LDLRAD3: variants seen among roughly 807,000 people sequenced by gnomAD.
The protein encoded by LDLRAD3 is low density lipoprotein receptor class A domain containing 3.
Under a neutral mutation model 29.4 loss-of-function variants are expected in LDLRAD3, and 20 were observed. The ratio of observed to expected loss-of-function variants is 0.68; its 90% CI spans 0.48 to 0.99. LDLRAD3 has a LOEUF of 0.99. Among genes scored for constraint, LDLRAD3 ranks in the 50% least tolerant of loss-of-function variants. The probability of loss-of-function intolerance (pLI) is 0.00; values close to 1 mark genes in which losing one functional copy is unlikely to be tolerated. For synonymous variants in LDLRAD3, 157 were observed against 192.7 expected, an observed-to-expected ratio of 0.81 and a Z score of 1.53; for missense variants, 420 against 454.3, an observed-to-expected ratio of 0.92 and a Z score of 0.69.
intron 1 of LDLRAD3, among the ~76,000 whole-genome samples, chr11:35,989,353 G>C (rs915608930): frequency 6.6e-6 from 1 of 152,010 alleles, no homozygotes; most frequent in African/African-American, 2.4e-5. Context: ...CTGGCTCTTT[G>C]GGCTCTTTTT....
intron 1 of LDLRAD3, among the ~76,000 whole-genome samples, chr11:36,028,855 C>T (rs1272880410): frequency 1.3e-5 from 2 of 152,174 alleles, no homozygotes; most frequent in Non-Finnish European, 2.9e-5. Context: ...CTTGTTCTAG[C>T]TGTGTGACCT....
chr11:36,045,074 C>T (rs1358323234), intron 2 of LDLRAD3, among the ~76,000 whole-genome samples: 1 of 152,232 alleles, frequency 6.6e-6, no homozygotes, highest in African/African-American at 2.4e-5. Flanking sequence ...TCCTGACCCC[C>T]TCTTGCCACT....
chr11:36,083,585 A>G (rs1326422112), intron 3 of LDLRAD3, among the ~76,000 whole-genome samples: 1 of 152,146 alleles, frequency 6.6e-6, no homozygotes, highest in Non-Finnish European at 1.5e-5. Flanking sequence ...ACAAAACTGT[A>G]AGAGAAGACC....
intron 4 of LDLRAD3, among the ~76,000 whole-genome samples, chr11:36,189,576 C>CT (rs141355514): frequency 0.094 from 14,181 of 151,036 alleles, 708 homozygotes; most frequent in East Asian, 0.19. Flanking sequence ...CACGAATTTA[C>CT]TTTTTTTTTA....
Position 36,014,348 on chromosome 11 carries a change from G to A in LDLRAD3, c.47-21755G>A, listed in dbSNP as rs556040727. The stretch of plus-strand genomic sequence containing the variant: ...ATGGAGCTGTGTACTAAATACAAAG[G>A]AATGGTATTACCAGCCTAGGCTTTA... On this transcript the variant is annotated intron_variant, in intron 1 of 5. Transcript: ENST00000315571. 2.0e-5 allele frequency among the ~76,000 whole-genome samples: 3 copies of A among 152,304 alleles called. No individual in the cohort carries two copies. The South Asian group carries it at 6.2e-4, about 32-fold the overall frequency.
intron 4 of LDLRAD3, among the ~76,000 whole-genome samples, chr11:36,129,066 T>C (rs1853886856): frequency 6.6e-6 from 1 of 151,898 alleles, no homozygotes; most frequent in Non-Finnish European, 1.5e-5. Context: ...CTAGATTTGA[T>C]GTTTGGGGAG....
At chr11:36,219,006 G>A (rs1370673940) in intron 4 of LDLRAD3, among the ~76,000 whole-genome samples, 1 of 152,252 alleles carries the variant, frequency 6.6e-6, no homozygotes. Flanking sequence ...AGTTTTCAAA[G>A]ATCTATGCTG....
chr11:36,021,036 G>T (rs1257130843), intron 1 of LDLRAD3, among the ~76,000 whole-genome samples: 1 of 152,160 alleles, frequency 6.6e-6, no homozygotes, highest in Non-Finnish European at 1.5e-5. Context: ...ATGGTTGGTG[G>T]TTCTACCAGC....
intron 4 of LDLRAD3, among the ~76,000 whole-genome samples, chr11:36,133,283 G>A (rs983400195): frequency 6.7e-6 from 1 of 150,338 alleles, no homozygotes; most frequent in Non-Finnish European, 1.5e-5. Flanking sequence ...CAGTCCTCCT[G>A]TCTCAGCCTC....
At chr11:36,171,958 G>A (rs1479053055) in intron 4 of LDLRAD3, among the ~76,000 whole-genome samples, 1 of 152,190 alleles carries the variant, frequency 6.6e-6, no homozygotes, top group Non-Finnish European at 1.5e-5. Flanking sequence ...AGCATAGGGT[G>A]TGTTTCCATT....
In LDLRAD3 at chr11:36,081,735, T is replaced by C. The variant is rs931711505; in HGVS notation, c.276T>C (p.Asn92=). ...GCATCATTGGTCGCTTCCGGTGCAA[T>C]GGGTTTGAGGACTGTCCCGATGGCA... The part of the protein sequence containing the change: ...IHCIIGRFRC[N]GFEDCPDGSD... The change falls in exon 3 of 6, where the codon AAT becomes AAC. Residue 92 remains asparagine (N), a synonymous_variant. Transcript: ENST00000315571. 2 of 1,614,234 alleles carry C rather than the reference T, an allele frequency of 1.2e-6. No homozygotes were observed. The highest frequency in any genetic ancestry group is 8.5e-7 in the Non-Finnish European group (1 of 1,180,036).
chr11:36,192,096 G>A (rs994094498), intron 4 of LDLRAD3, among the ~76,000 whole-genome samples: 35 of 152,132 alleles, frequency 2.3e-4, no homozygotes, highest in Admixed American at 6.5e-5. Flanking sequence ...TGGAAGATGA[G>A]GGTCAAAGAA....
rs1366329554 is a variant in LDLRAD3 at position 36,065,405 on chromosome 11, G to A, written c.194-16248G>A. ...ATATGCAGCCAGGATTGAAGGCACT[G>A]CTTTTTTGGATAAGTTAGAAGCTGA... On this transcript the variant is annotated intron_variant, in intron 2 of 5. Coordinates refer to ENST00000315571, the MANE Select transcript of LDLRAD3 (RefSeq NM_174902.4). 2.0e-5 allele frequency among the ~76,000 whole-genome samples: 3 copies of A among 152,118 alleles called. No individual in the cohort carries two copies. The East Asian group carries it at 5.8e-4, about 29-fold the overall frequency.
At chr11:35,951,598 C>T (rs143599535) in intron 1 of LDLRAD3, among the ~76,000 whole-genome samples, 124 of 152,300 alleles carry the variant, frequency 8.1e-4, no homozygotes, top group African/African-American at 2.9e-3. Context: ...CTGGCTCTTG[C>T]TTTGCAAGAA....
intron 4 of LDLRAD3, among the ~76,000 whole-genome samples, chr11:36,138,284 TG>T (rs1345635061): frequency 3.9e-5 from 6 of 152,160 alleles, no homozygotes; most frequent in Admixed American, 3.3e-4. Flanking sequence ...CTTCCTTGGG[TG>T]GTTGGGAGGA....
chr11:35,993,759 T>C (rs1851718130), intron 1 of LDLRAD3, among the ~76,000 whole-genome samples: 1 of 152,046 alleles, frequency 6.6e-6, no homozygotes, highest in South Asian at 2.1e-4. Context: ...TGGTATATTT[T>C]TAATAGGGAG....
At chr11:35,973,174 T>A (rs1394437180) in intron 1 of LDLRAD3, among the ~76,000 whole-genome samples, 1 of 152,026 alleles carries the variant, frequency 6.6e-6, no homozygotes, top group Admixed American at 6.6e-5. Flanking sequence ...TTGTTTTGTT[T>A]TTTTTGATTA....
At chr11:36,056,585 A>C (rs1047593514) in intron 2 of LDLRAD3, among the ~76,000 whole-genome samples, 2 of 152,200 alleles carry the variant, frequency 1.3e-5, no homozygotes, top group Non-Finnish European at 2.9e-5. Flanking sequence ...GGAGGTTTTC[A>C]GGATTCACTT....
chr11:36,218,955 T>G (rs976405935), intron 4 of LDLRAD3, among the ~76,000 whole-genome samples: 1 of 151,962 alleles, frequency 6.6e-6, no homozygotes, highest in African/African-American at 2.4e-5. Context: ...AGTATCCATA[T>G]AACATGAAGA....
Sources: allele counts gnomAD v4.1 joint callset (sites outside exome capture counted in the v4.1 genomes callset), GRCh38; gene constraint gnomAD v4.1.1; transcripts MANE v1.5; gene names NCBI Gene and HGNC (gene_info 2026-07-23, HGNC 2026-07-21).